Variants in PTK2B observed in about 807,000 individuals in gnomAD.
The protein encoded by PTK2B is protein-tyrosine kinase 2-beta.
In PTK2B, 71 loss-of-function variants were observed where a neutral mutation model predicts 142.9. That is an observed-to-expected ratio of 0.50 (90% CI 0.41 to 0.61). The LOEUF (loss-of-function observed/expected upper bound fraction) is 0.61. PTK2B is among the 20% of genes least tolerant of loss of function. The probability of loss-of-function intolerance (pLI) is 0.00; values close to 1 mark genes in which losing one functional copy is unlikely to be tolerated. For synonymous variants in PTK2B, 519 were observed against 503.4 expected, an observed-to-expected ratio of 1.03 and a Z score of -0.42; for missense variants, 1,105 against 1,320.4, an observed-to-expected ratio of 0.84 and a Z score of 2.53.
chr8:27,424,210 C>G (rs1203911427), intron 5 of PTK2B, among the ~76,000 whole-genome samples: 1 of 152,116 alleles, frequency 6.6e-6, no homozygotes, highest in Non-Finnish European at 1.5e-5. Context: ...ACCTGTCAAG[C>G]AGTCATCACT....
In PTK2B at chr8:27,458,518, G is replaced by T; in HGVS notation, c.*9G>T. On this transcript the variant is annotated 3_prime_UTR_variant, in exon 31 of 31. Transcript: ENST00000346049. ...ACCCACCTGCAGAGTGACGGAGGGT[G>T]GGGGCCACCTGCCTGCGTCTTCCGC... The T allele has an allele frequency of 1.3e-6, 2 of 1,557,768 alleles. No individual in the cohort carries two copies. Among genetic ancestry groups the T allele is most frequent in the South Asian group, 2.4e-5 (2 of 84,942 alleles).
At chr8:27,386,087 T>C (rs1188955582) in intron 1 of PTK2B, among the ~76,000 whole-genome samples, 1 of 152,226 alleles carries the variant, frequency 6.6e-6, no homozygotes, top group Non-Finnish European at 1.5e-5. Flanking sequence ...TGTGTTTTTA[T>C]GTAGTTCTAA....
intron 21 of PTK2B, 39 bp downstream of exon 21, chr8:27,440,480 C>T (rs763598890): frequency 1.9e-5 from 31 of 1,593,962 alleles, no homozygotes; most frequent in Admixed American, 5.0e-5. Context: ...GGGGCCCACC[C>T]GGCTGCACCA....
At chr8:27,417,835 G>A (rs7828688) in intron 2 of PTK2B, among the ~76,000 whole-genome samples, 64,876 of 151,948 alleles carry the variant, frequency 0.43, 14,300 homozygotes, top group South Asian at 0.53. Flanking sequence ...GAGCAGGAGA[G>A]GACTGTAAGT....
upstream of PTK2B, chr8:27,311,133 G>T (rs1252524605): frequency 1.9e-6 from 3 of 1,602,774 alleles, no homozygotes; most frequent in Non-Finnish European, 2.6e-6. Context: ...TGGCCGCAGC[G>T]CAGAGTGACT....
At chr8:27,311,215 C>A, upstream of PTK2B, 1 of 1,570,756 alleles carries the variant, frequency 6.4e-7, no homozygotes, top group Non-Finnish European at 8.7e-7. Context: ...GCCCGGGGGA[C>A]ACGTCGGGAC....
chr8:27,385,892 CAA>C (rs71553856), intron 1 of PTK2B, among the ~76,000 whole-genome samples: 2 of 110,024 alleles, frequency 1.8e-5, no homozygotes, highest in Admixed American at 1.0e-4. Flanking sequence ...GATTCCGTCT[CAA>C]AAAAAAAAAA....
chr8:27,359,300 G>A (rs1586155982), intron 1 of PTK2B, among the ~76,000 whole-genome samples: 1 of 152,138 alleles, frequency 6.6e-6, no homozygotes, highest in African/African-American at 2.4e-5. Flanking sequence ...ATTTTTAGTA[G>A]AGAAGGGGTT....
At chr8:27,431,814 G>A (rs1810443898) in intron 9 of PTK2B, among the ~76,000 whole-genome samples, 1 of 152,178 alleles carries the variant, frequency 6.6e-6, no homozygotes, top group African/African-American at 2.4e-5. Context: ...TCCAGTCCTG[G>A]CTCCACTGCC....
chr8:27,434,126 C>A lies in PTK2B; in HGVS notation c.1139C>A (p.Pro380His). The A allele has an allele frequency of 6.2e-7, 1 of 1,614,048 alleles. No homozygotes were observed. The highest frequency in any genetic ancestry group is 8.5e-7 in the Non-Finnish European group (1 of 1,179,928). The change falls in exon 12 of 31, where the codon CCC (proline) becomes CAC (histidine). Residue 380 changes from proline to histidine, a missense_variant. By Grantham distance (77) the Pro-to-His change is moderately conservative. Transcript: ENST00000346049. ...AAGCGGAACAGCCTGCCCCAGATCC[C>A]CATGCTGTGAGTACAATGGGGTGCA... ...GEKRNSLPQI[P>H]MLNLEARRSH...
chr8:27,337,511 C>T (rs893920812), intron 1 of PTK2B, among the ~76,000 whole-genome samples: 3 of 152,194 alleles, frequency 2.0e-5, no homozygotes, highest in Non-Finnish European at 2.9e-5. Context: ...GCAGTCACAC[C>T]GTGTTCTCCA....
chr8:27,431,078 G>T (rs34032878), intron 8 of PTK2B, 62 bp downstream of exon 8: 3 of 1,571,724 alleles, frequency 1.9e-6, no homozygotes, highest in Admixed American at 3.5e-5. Context: ...GGAAAAGGGG[G>T]CCAGGAGGGG....
intron 1 of PTK2B, among the ~76,000 whole-genome samples, chr8:27,346,877 T>A (rs998931109): frequency 2.0e-5 from 3 of 152,256 alleles, no homozygotes; most frequent in African/African-American, 7.2e-5. Flanking sequence ...CCTTTGGTGC[T>A]GAACTGCACT....
intron 1 of PTK2B, among the ~76,000 whole-genome samples, chr8:27,335,669 G>C (rs1804016675): frequency 6.6e-6 from 1 of 151,852 alleles, no homozygotes; most frequent in Admixed American, 6.6e-5. Context: ...CCCAGCCTGT[G>C]TTCATGCCCT....
chr8:27,364,298 A>G (rs1393676763), intron 1 of PTK2B, among the ~76,000 whole-genome samples: 3 of 152,200 alleles, frequency 2.0e-5, no homozygotes, highest in Admixed American at 1.3e-4. Flanking sequence ...GTTCGTTTCC[A>G]TACTCCTGGG....
intron 21 of PTK2B, among the ~76,000 whole-genome samples, chr8:27,441,081 G>T (rs1021836022): frequency 6.6e-6 from 1 of 152,130 alleles, no homozygotes; most frequent in Admixed American, 6.5e-5. Context: ...GAGTCAGTAA[G>T]CATTTTCTAT....
chr8:27,334,946 T>G, intron 1 of PTK2B, among the ~76,000 whole-genome samples: 1 of 152,316 alleles, frequency 6.6e-6, no homozygotes, highest in African/African-American at 2.4e-5. Flanking sequence ...CTCTAATCTC[T>G]GTGAGTCTTG....
At chr8:27,339,624 G>A (rs992354143) in intron 1 of PTK2B, among the ~76,000 whole-genome samples, 7 of 152,336 alleles carry the variant, frequency 4.6e-5, no homozygotes, top group Admixed American at 6.5e-5. Context: ...CTCAGACCCC[G>A]GAAAGGGAAG....
chr8:27,449,754 C>T (rs1226602055), intron 24 of PTK2B, among the ~76,000 whole-genome samples: 1 of 152,164 alleles, frequency 6.6e-6, no homozygotes, highest in Non-Finnish European at 1.5e-5. Flanking sequence ...TACAAATGAA[C>T]CGTGGGGGAA....
Sources: gnomAD v4.1 joint callset for allele counts (sites outside exome capture counted in the v4.1 genomes callset) on GRCh38, gnomAD v4.1.1 for gene constraint, MANE v1.5 for transcripts, NCBI Gene and HGNC (gene_info 2026-07-23, HGNC 2026-07-21) for gene names.